CARS2: variants seen among roughly 807,000 people sequenced by gnomAD.
CARS2 encodes cysteinyl-tRNA synthetase 2, mitochondrial.
In CARS2, 52 loss-of-function variants were observed where a neutral mutation model predicts 68.8. The ratio of observed to expected loss-of-function variants is 0.76; its 90% CI spans 0.61 to 0.95. The LOEUF (loss-of-function observed/expected upper bound fraction) is 0.95, where lower values mean the gene tolerates loss of function less well. Ranked by LOEUF, CARS2 falls within the 40% of genes least tolerant of loss-of-function variation. CARS2 has a pLI of 0.00. For synonymous variants in CARS2, 314 were observed against 303.6 expected (o/e 1.03, Z -0.36); for missense variants, 780 against 754.2 (o/e 1.03, Z -0.40).
chr13:110,642,441 C>T lies in CARS2; in HGVS notation c.1497G>A (p.Gln499=). The T allele has an allele frequency of 2.5e-6, 4 of 1,607,230 alleles. No homozygotes were observed. Among genetic ancestry groups the T allele is most frequent in the Non-Finnish European group, 3.4e-6 (4 of 1,177,324 alleles). The change falls in exon 14 of 15, where the codon CAG becomes CAA. Residue 499 remains glutamine (Q), a synonymous_variant. Coordinates refer to ENST00000257347, the MANE Select transcript of CARS2 (RefSeq NM_024537.4). ...ELVRFRQKVR[Q]FALAMPEATG... is the part of the protein sequence containing the mutation. The stretch of plus-strand genomic sequence containing the variant: ...TGGCCTCGGGCATGGCCAGCGCAAA[C>T]TGCCGGACCTTCTGCCGGAACCGCA...
chr13:110,641,581 C>T lies in CARS2; in HGVS notation c.1651G>A (p.Glu551Lys), dbSNP rs1461420607. 1.2e-6 allele frequency: 2 copies of T among 1,614,026 alleles called. No homozygotes were observed. Among genetic ancestry groups the T allele is most frequent in the Middle Eastern group, 3.3e-4 (2 of 6,050 alleles). The change falls in exon 15 of 15, where the codon GAA becomes AAA. Residue 551 changes from glutamate to lysine, a missense_variant. Transcript: ENST00000257347. ...TCTTTTGTCCTTTGATCCAGCAGTT[C>T]CCACGTGGATGTTGTACTGCTTCTG... ...KDRSSTTSTWELLDQRTKDQK... is the reference protein window; with the variant it reads ...KDRSSTTSTWKLLDQRTKDQK...
intron 3 of CARS2, among the ~76,000 whole-genome samples, chr13:110,693,109 CAAAAAAAAA>C (rs776745304): frequency 3.4e-5 from 2 of 59,434 alleles, no homozygotes; most frequent in African/African-American, 1.5e-4. Context: ...GACTCTGTCT[CAAAAAAAAA>C]AAAAAAAAAA....
chr13:110,682,086 C>T (rs2063173312), intron 6 of CARS2, among the ~76,000 whole-genome samples: 1 of 151,548 alleles, frequency 6.6e-6, no homozygotes, highest in African/African-American at 2.4e-5. Context: ...AAAGCTGATG[C>T]GTCAATGGTG....
intron 9 of CARS2, among the ~76,000 whole-genome samples, chr13:110,652,095 C>T (rs1373357790): frequency 6.6e-6 from 1 of 152,282 alleles, no homozygotes; most frequent in African/African-American, 2.4e-5. Flanking sequence ...TCACCCCATG[C>T]CTGTCCACTG....
Position 110,641,510 on chromosome 13 carries a change from G to GA in CARS2, c.*26dup. ...GAGAAGCATGGGTGCGTCTTGTCGT[G>GA]AGCAGGTTCATGGCTGTGCTCCATC... is the stretch of plus-strand genomic sequence containing the variant. On this transcript the variant is annotated 3_prime_UTR_variant, in exon 15 of 15. Coordinates refer to ENST00000257347, the MANE Select transcript of CARS2 (RefSeq NM_024537.4). 1 of 1,582,142 alleles carries GA rather than the reference G, an allele frequency of 6.3e-7. No homozygotes were observed. The highest frequency in any genetic ancestry group is 8.7e-7 in the Non-Finnish European group (1 of 1,150,744).
At chr13:110,642,842 C>A (rs1040302648) in intron 13 of CARS2, 1 of 599,562 alleles carries the variant, frequency 1.7e-6, no homozygotes, top group Non-Finnish European at 3.1e-6. Flanking sequence ...AGACCTCACG[C>A]AATTGTGGCC....
At chr13:110,666,294 G>A (rs543149304) in intron 8 of CARS2, 21 of 985,396 alleles carry the variant, frequency 2.1e-5, no homozygotes, top group Middle Eastern at 5.2e-4. Flanking sequence ...CACCGACACC[G>A]GAATAAAGTG....
chr13:110,672,736 A>G (rs1320134122), intron 7 of CARS2, among the ~76,000 whole-genome samples: 4 of 152,304 alleles, frequency 2.6e-5, no homozygotes, highest in African/African-American at 9.6e-5. Flanking sequence ...TGAAGGAGAT[A>G]GAGACACAAA....
chr13:110,656,439 T>C (rs533658868), intron 9 of CARS2, among the ~76,000 whole-genome samples: 48 of 152,216 alleles, frequency 3.2e-4, no homozygotes, highest in Non-Finnish European at 5.6e-4. Flanking sequence ...CACAGAGCTT[T>C]AGTGGGGTGC....
chr13:110,690,775 G>A (rs749731277), intron 3 of CARS2, among the ~76,000 whole-genome samples: 1 of 152,194 alleles, frequency 6.6e-6, no homozygotes, highest in Non-Finnish European at 1.5e-5. Context: ...AGCTACACCC[G>A]ACCAGCAACA....
At chr13:110,682,799 G>GGT (rs1341425125) in intron 6 of CARS2, among the ~76,000 whole-genome samples, 6 of 152,290 alleles carry the variant, frequency 3.9e-5, no homozygotes, top group Admixed American at 6.5e-5. Flanking sequence ...ACAGTGACCA[G>GGT]CACTGTCTCC....
Position 110,705,820 on chromosome 13 carries a change from G to C in CARS2, c.224+50C>G, listed in dbSNP as rs1409164818. ...CCCAGATCCCGTTCAGCCGTGGGAAGTCTCCGCCACGATCGGCCCCCGCCC... is the reference window on the plus strand; with the variant it reads ...CCCAGATCCCGTTCAGCCGTGGGAACTCTCCGCCACGATCGGCCCCCGCCC... On this transcript the variant is annotated intron_variant, in intron 1 of 14. Coordinates refer to ENST00000257347, the MANE Select transcript of CARS2 (RefSeq NM_024537.4). The surrounding 1 kb of genome is among the most constrained non-coding windows in gnomAD (Gnocchi z 4.0). 9.8e-6 allele frequency: 15 copies of C among 1,525,562 alleles called. No individual in the cohort carries two copies. The highest frequency in any genetic ancestry group is 1.4e-5 in the African/African-American group (1 of 72,806). 94.5% of individuals were successfully genotyped at this position (1,525,562 alleles called of 1,614,324 possible).
intron 6 of CARS2, among the ~76,000 whole-genome samples, chr13:110,678,824 C>T (rs2063049709): frequency 3.9e-5 from 6 of 152,004 alleles, no homozygotes; most frequent in Admixed American, 3.9e-4. Flanking sequence ...AAAAAGCGGA[C>T]CTGGAGACGG....
rs561338068 is a variant in CARS2, at chr13:110,641,707, C to T, written c.1624-99G>A. The T allele has an allele frequency of 9.6e-4, 913 of 954,644 alleles. 3 individuals are homozygous for T. The highest frequency in any genetic ancestry group is 2.7e-3 in the Admixed American group (157 of 58,044). The allele number at this position is 954,644 out of a possible 1,614,324, so 59.1% of individuals were successfully genotyped here. On this transcript the variant is annotated intron_variant, in intron 14 of 14. Coordinates refer to ENST00000257347, the MANE Select transcript of CARS2 (RefSeq NM_024537.4). ...CAGGTTCAGGGTGCCTGTTCCCTCA[C>T]CGGCCTGTCCTAAAAAGCTTGCCAG...
rs908304346 is a variant in CARS2 at position 110,668,403 on chromosome 13, G to T, written c.786-930C>A. Among the ~76,000 whole-genome samples the T allele has an allele frequency of 2.6e-5, 4 of 152,246 alleles. No homozygotes were observed. The highest frequency in any genetic ancestry group is 9.6e-5 in the African/African-American group (4 of 41,538). On this transcript the variant is annotated intron_variant, in intron 7 of 14. Transcript: ENST00000257347. This position sits in a 1 kb window ranked among gnomAD's most constrained non-coding sequence, Gnocchi z 4.1. ...CTAAAATACAAAAAATCAGCCGGGC[G>T]TGGTGGCGGGTGCCTGTAGTCCCAG...
rs1031468466 is a variant in CARS2 at position 110,653,441 on chromosome 13, G to A, written c.988-2341C>T. Among the ~76,000 whole-genome samples, 3 of 152,150 alleles carry A rather than the reference G, an allele frequency of 2.0e-5. No individual in the cohort carries two copies. The highest frequency in any genetic ancestry group is 1.9e-4 in the East Asian group (1 of 5,194). On this transcript the variant is annotated intron_variant, in intron 9 of 14. Coordinates refer to ENST00000257347, the MANE Select transcript of CARS2 (RefSeq NM_024537.4). This position sits in a 1 kb window ranked among gnomAD's most constrained non-coding sequence, Gnocchi z 5.6. ...TTAACGCACACAGCCATGTCCTGCC[G>A]GTTTCAGTTCAGGTTGCGCCCTATT...
intron 5 of CARS2, among the ~76,000 whole-genome samples, chr13:110,686,392 G>A (rs1045884293): frequency 2.6e-5 from 4 of 151,832 alleles, no homozygotes; most frequent in African/African-American, 9.7e-5. Flanking sequence ...ACAGGAGCAC[G>A]CCACCATGCC....
chr13:110,656,062 T>C (rs1055934881), intron 9 of CARS2, among the ~76,000 whole-genome samples: 5 of 152,174 alleles, frequency 3.3e-5, no homozygotes, highest in Admixed American at 6.5e-5. Flanking sequence ...TCCCAGCACT[T>C]TGGGAGGCCG....
At chr13:110,694,290 T>C (rs906918353) in intron 3 of CARS2, among the ~76,000 whole-genome samples, 5 of 150,526 alleles carry the variant, frequency 3.3e-5, no homozygotes, top group Admixed American at 1.3e-4. Flanking sequence ...CCTCCCAAAG[T>C]GCTGGGATTA....
Sources: allele counts gnomAD v4.1 joint callset (sites outside exome capture counted in the v4.1 genomes callset), GRCh38; gene constraint gnomAD v4.1.1; non-coding constraint Gnocchi (gnomAD v3.1); transcripts MANE v1.5; gene names NCBI Gene and HGNC (gene_info 2026-07-23, HGNC 2026-07-21).